The following BORCS5 variants were observed in gnomAD, a reference collection of about 807,000 sequenced individuals.
The protein encoded by BORCS5 is BLOC-1-related complex subunit 5.
In BORCS5, 17 loss-of-function variants were observed where a neutral mutation model predicts 22.1. The ratio of observed to expected loss-of-function variants is 0.77; its 90% CI spans 0.53 to 1.15. The LOEUF (loss-of-function observed/expected upper bound fraction) is 1.15. Among genes scored for constraint, BORCS5 ranks in the 50% most tolerant of loss-of-function variants. The pLI is 0.00. For missense variants in BORCS5, 247 were observed against 253.2 expected (o/e 0.98, Z 0.17); for synonymous variants, 117 against 99.8 (o/e 1.17, Z -1.03).
intron 3 of BORCS5, among the ~76,000 whole-genome samples, chr12:12,452,788 G>A (rs918614442): frequency 1.3e-5 from 2 of 152,202 alleles, no homozygotes; most frequent in African/African-American, 4.8e-5. Context: ...AACCCTCCAT[G>A]GGAGTGGTGA....
At chr12:12,359,460 C>T (rs1863226225) in intron 1 of BORCS5, among the ~76,000 whole-genome samples, 1 of 149,920 alleles carries the variant, frequency 6.7e-6, no homozygotes, top group Admixed American at 6.7e-5. Flanking sequence ...CTCCCGGATT[C>T]AAGCAATTTT....
intron 2 of BORCS5, among the ~76,000 whole-genome samples, chr12:12,433,287 T>G (rs1453612933): frequency 7.6e-6 from 1 of 132,184 alleles, no homozygotes; most frequent in Non-Finnish European, 1.5e-5. Context: ...CATTCCACTG[T>G]GCTCCAGCCT....
Position 12,470,443 on chromosome 12 carries a change from C to A in BORCS5, c.*4667C>A, listed in dbSNP as rs982800073. Among the ~76,000 whole-genome samples, 11 of 152,122 alleles carry A rather than the reference C, an allele frequency of 7.2e-5. No homozygotes were observed. The highest frequency in any genetic ancestry group is 1.6e-4 in the Non-Finnish European group (11 of 68,026). On this transcript the variant is annotated 3_prime_UTR_variant, in exon 4 of 4. Transcript: ENST00000314565. ...GCTCCACCTCCTGTCAGAACAGACC[C>A]AGCATTAGACTCCCCTAAGAGCGTG...
At chr12:12,431,023 C>A (rs1942409622) in intron 2 of BORCS5, among the ~76,000 whole-genome samples, 1 of 152,180 alleles carries the variant, frequency 6.6e-6, no homozygotes, top group African/African-American at 2.4e-5. Flanking sequence ...ACAGTCACTG[C>A]TGCAATGAAT....
chr12:12,416,160 C>T (rs541210261), intron 2 of BORCS5, among the ~76,000 whole-genome samples: 10 of 152,238 alleles, frequency 6.6e-5, no homozygotes, highest in African/African-American at 9.6e-5. Context: ...CCCATAGAAT[C>T]GGTATTAATG....
chr12:12,379,141 CA>C (rs1191066301), intron 2 of BORCS5, among the ~76,000 whole-genome samples: 1 of 146,714 alleles, frequency 6.8e-6, no homozygotes, highest in East Asian at 2.0e-4. Flanking sequence ...TTTTTGGAGG[CA>C]AAAATCTTGC....
chr12:12,400,305 T>A (rs1231215890), intron 2 of BORCS5, among the ~76,000 whole-genome samples: 1 of 152,192 alleles, frequency 6.6e-6, no homozygotes, highest in East Asian at 1.9e-4. Context: ...TCTAATTGTC[T>A]GGCCTTGGTA....
intron 2 of BORCS5, among the ~76,000 whole-genome samples, chr12:12,386,182 G>A (rs527671300): frequency 7.3e-5 from 11 of 150,800 alleles, no homozygotes; most frequent in Admixed American, 6.6e-4. Flanking sequence ...TGTATTTTTA[G>A]TAGAGACAGC....
rs1372490038 is a variant in BORCS5, at chr12:12,378,901, T to TGCC, written c.202+17553_202+17555dup. Among the ~76,000 whole-genome samples the TGCC allele has an allele frequency of 9.3e-5, 14 of 150,818 alleles. No homozygotes were observed. In the East Asian group the frequency reaches 2.7e-3, roughly 29 times the overall value. On this transcript the variant is annotated intron_variant, in intron 2 of 3. Transcript: ENST00000314565. ...CTGAGTAGCTGAGACCACAGGTGTG[T>TGCC]GCCACCACTCCCAGCTAATATTTTT...
At chr12:12,425,444 C>T (rs1410427050) in intron 2 of BORCS5, among the ~76,000 whole-genome samples, 1 of 152,170 alleles carries the variant, frequency 6.6e-6, no homozygotes, top group Non-Finnish European at 1.5e-5. Flanking sequence ...GCAGGTGCAC[C>T]ATTTTACATT....
intron 3 of BORCS5, among the ~76,000 whole-genome samples, chr12:12,459,590 G>A (rs915096819): frequency 6.6e-6 from 1 of 152,116 alleles, no homozygotes; most frequent in African/African-American, 2.4e-5. Flanking sequence ...GATTACAGGC[G>A]TGAGCCACTG....
At chr12:12,452,564 C>G (rs1328563267) in intron 3 of BORCS5, 2 of 344,928 alleles carry the variant, frequency 5.8e-6, no homozygotes, top group Non-Finnish European at 1.1e-5. Flanking sequence ...ATCTTGCCGG[C>G]GATCCTTCCC....
intron 2 of BORCS5, among the ~76,000 whole-genome samples, chr12:12,420,477 A>G (rs11837772): frequency 0.6 from 90,369 of 151,770 alleles, 27,635 homozygotes; most frequent in African/African-American, 0.7. Flanking sequence ...GTCAGGTAGT[A>G]TGATGCCTCC....
rs564056882 is a variant in BORCS5 at position 12,375,662 on chromosome 12, T to G, written c.202+14313T>G. On this transcript the variant is annotated intron_variant, in intron 2 of 3. Transcript: ENST00000314565. ...ACAGTCATAGGTATTTAATAACGTT[T>G]AAATATTTTTTCCATCAAAATTCAG... Among the ~76,000 whole-genome samples, 3 of 152,188 alleles carry G rather than the reference T, an allele frequency of 2.0e-5. No homozygotes were observed. In the East Asian group the frequency reaches 5.8e-4, roughly 29 times the overall value.
chr12:12,382,082 G>T (rs1241432592), intron 2 of BORCS5, among the ~76,000 whole-genome samples: 1 of 151,278 alleles, frequency 6.6e-6, no homozygotes, highest in Non-Finnish European at 1.5e-5. Context: ...AGAGCCATTT[G>T]TGTTAGTCCA....
intron 2 of BORCS5, among the ~76,000 whole-genome samples, chr12:12,418,896 G>T (rs1360755145): frequency 6.6e-6 from 1 of 151,918 alleles, no homozygotes; most frequent in Non-Finnish European, 1.5e-5. Context: ...ACTTACTTCT[G>T]TCATTTTGCT....
chr12:12,433,113 C>T (rs952608095), intron 2 of BORCS5, among the ~76,000 whole-genome samples: 2 of 151,988 alleles, frequency 1.3e-5, no homozygotes, highest in East Asian at 3.9e-4. Flanking sequence ...GCAGCTGGAT[C>T]ACCTTAGGTC....
chr12:12,445,774 C>T (rs950958327), intron 3 of BORCS5, among the ~76,000 whole-genome samples: 4 of 150,886 alleles, frequency 2.7e-5, no homozygotes, highest in South Asian at 2.1e-4. Context: ...GCTAGGATTA[C>T]AGGTGCGTGA....
At chr12:12,366,447 A>G (rs2136022081) in intron 2 of BORCS5, among the ~76,000 whole-genome samples, 1 of 152,352 alleles carries the variant, frequency 6.6e-6, no homozygotes, top group East Asian at 1.9e-4. Flanking sequence ...TTTATGCTCC[A>G]TAATCCAAAT....
Sources: gnomAD v4.1 joint callset for allele counts (sites outside exome capture counted in the v4.1 genomes callset) on GRCh38, gnomAD v4.1.1 for gene constraint, MANE v1.5 for transcripts, NCBI Gene and HGNC (gene_info 2026-07-23, HGNC 2026-07-21) for gene names.